PCDHGB1: variants seen among roughly 807,000 people sequenced by gnomAD.
PCDHGB1 encodes the protein protocadherin gamma-B1.
PCDHGB1 carries 34 observed loss-of-function variants against 56.6 expected under a neutral mutation model. That is an observed-to-expected ratio of 0.60 (90% CI 0.46 to 0.80). The LOEUF (loss-of-function observed/expected upper bound fraction) is 0.80. PCDHGB1 is among the 30% of genes least tolerant of loss of function. PCDHGB1 has a pLI of 0.00. For synonymous variants in PCDHGB1, 561 were observed against 505.9 expected, an observed-to-expected ratio of 1.11 and a Z score of -1.46; for missense variants, 1,278 against 1,204.6, an observed-to-expected ratio of 1.06 and a Z score of -0.90.
At chr5:141,401,485 G>A (rs2094160307) in intron 1 of PCDHGB1, among the ~76,000 whole-genome samples, 2 of 152,152 alleles carry the variant, frequency 1.3e-5, no homozygotes, top group Admixed American at 6.5e-5. Context: ...AGGTTTTCTT[G>A]GATGCAAAAT....
chr5:141,459,613 C>A (rs1040874685), intron 1 of PCDHGB1, among the ~76,000 whole-genome samples: 1 of 152,188 alleles, frequency 6.6e-6, no homozygotes, highest in African/African-American at 2.4e-5. Context: ...ATATGCTTAA[C>A]TTTATAAGAA....
chr5:141,365,149 A>G, intron 1 of PCDHGB1: 1 of 1,613,978 alleles, frequency 6.2e-7, no homozygotes, highest in South Asian at 1.1e-5. Context: ...ATGAGGGAAT[A>G]AACGGGAAAT....
At chr5:141,400,608 A>G in intron 1 of PCDHGB1, 1 of 1,580,872 alleles carries the variant, frequency 6.3e-7, no homozygotes, top group Admixed American at 1.7e-5. Flanking sequence ...TTTCAAGTCC[A>G]ATGAGTTGTC....
In PCDHGB1 at chr5:141,432,973, G is replaced by T. The variant is rs150572360; in HGVS notation, c.2410-61834G>T. The T allele has an allele frequency of 3.7e-6, 6 of 1,614,096 alleles. 1 individual carries two copies. The highest frequency in any genetic ancestry group is 1.7e-5 in the Admixed American group (1 of 60,014). Reference sequence around the variant, plus strand: ...GCGGCTTGACAGGAGCGCCGGCGTCGCACTTTGTGGGCGTGGACGGGGTGC... The same window carrying T: ...GCGGCTTGACAGGAGCGCCGGCGTCTCACTTTGTGGGCGTGGACGGGGTGC... On this transcript the variant is annotated intron_variant, in intron 1 of 3. Coordinates refer to ENST00000523390, the MANE Select transcript of PCDHGB1 (RefSeq NM_018922.3). This position sits in a 1 kb window ranked among gnomAD's most constrained non-coding sequence, Gnocchi z 6.0.
Position 141,436,345 on chromosome 5 carries a change from G to A in PCDHGB1, c.2410-58462G>A, listed in dbSNP as rs930858667. 5.9e-4 allele frequency among the ~76,000 whole-genome samples: 90 copies of A among 152,212 alleles called. 1 individual carries two copies. Among genetic ancestry groups the A allele is most frequent in the African/African-American group, 1.7e-3 (69 of 41,540 alleles). ...GTTAGACCATATCTCAAATATCAGT[G>A]ACTTCAATCAACTATGTTTCCAGTT... On this transcript the variant is annotated intron_variant, in intron 1 of 3. Coordinates refer to ENST00000523390, the MANE Select transcript of PCDHGB1 (RefSeq NM_018922.3).
intron 1 of PCDHGB1, chr5:141,382,842 A>C: frequency 2.0e-6 from 3 of 1,464,302 alleles, no homozygotes; most frequent in Non-Finnish European, 2.8e-6. Context: ...ACCCGGATAC[A>C]CCCGCATTCT....
In PCDHGB1 at chr5:141,405,166, A is replaced by G. The variant is rs1303146593; in HGVS notation, c.2409+52497A>G. The G allele has an allele frequency of 9.3e-6, 15 of 1,613,862 alleles. No individual in the cohort carries two copies. In the East Asian group the frequency reaches 3.3e-4, roughly 36 times the overall value. On this transcript the variant is annotated intron_variant, in intron 1 of 3. Coordinates refer to ENST00000523390, the MANE Select transcript of PCDHGB1 (RefSeq NM_018922.3). Reference sequence around the variant, plus strand: ...ATGGGTTGGCTGGTGTGCCCACCTCACACTTTGTGGGTGTAGATGGGGTTC... The same window carrying G: ...ATGGGTTGGCTGGTGTGCCCACCTCGCACTTTGTGGGTGTAGATGGGGTTC...
intron 1 of PCDHGB1, chr5:141,403,389 C>T (rs764725441): frequency 1.2e-6 from 2 of 1,614,050 alleles, no homozygotes; most frequent in South Asian, 1.1e-5. Context: ...AACGAAATCG[C>T]GGTTCCTGGA....
At chr5:141,433,481 G>C (rs2097613311) in intron 1 of PCDHGB1, among the ~76,000 whole-genome samples, 1 of 152,046 alleles carries the variant, frequency 6.6e-6, no homozygotes, top group African/African-American at 2.4e-5. Flanking sequence ...CTAGCCTCCT[G>C]CTTCTCCCTC....
chr5:141,410,976 C>G (rs750121743), intron 1 of PCDHGB1: 28 of 178,158 alleles, frequency 1.6e-4, no homozygotes, highest in Non-Finnish European at 2.6e-4. Context: ...GCCTCAGCCT[C>G]CCAAGTAGCT....
At chr5:141,482,768 CTGA>C (rs2099572195) in intron 1 of PCDHGB1, among the ~76,000 whole-genome samples, 1 of 126,868 alleles carries the variant, frequency 7.9e-6, no homozygotes, top group Admixed American at 7.7e-5. Flanking sequence ...TTCATTATCA[CTGA>C]ACCTTAAACT....
At position 141,493,188 on chromosome 5, in the gene PCDHGB1, C is replaced by T. The variant is rs1292810486; in HGVS notation, c.2410-1619C>T. Among the ~76,000 whole-genome samples the T allele has an allele frequency of 2.6e-5, 4 of 152,216 alleles. No individual in the cohort carries two copies. Among genetic ancestry groups the T allele is most frequent in the Non-Finnish European group, 4.4e-5 (3 of 68,046 alleles). ...ATTGAGAGAAACTTACTATATAACT[C>T]CTTTGAGAACCTCATCTCATTTGCT... On this transcript the variant is annotated intron_variant, in intron 1 of 3. Coordinates refer to ENST00000523390, the MANE Select transcript of PCDHGB1 (RefSeq NM_018922.3). The surrounding 1 kb of genome is among the most constrained non-coding windows in gnomAD (Gnocchi z 4.3).
At chr5:141,353,009 A>G (rs967480372) in intron 1 of PCDHGB1, among the ~76,000 whole-genome samples, 2 of 152,144 alleles carry the variant, frequency 1.3e-5, no homozygotes, top group Admixed American at 1.3e-4. Context: ...AACAAAAATT[A>G]TATATTGCAT....
chr5:141,427,220 T>G (rs1487350481), intron 1 of PCDHGB1: 1 of 456,710 alleles, frequency 2.2e-6, no homozygotes, highest in East Asian at 6.9e-5. Flanking sequence ...TTCGTAGCAG[T>G]TATACCATGA....
At chr5:141,440,887 G>C (rs1423303973) in intron 1 of PCDHGB1, 4 of 152,206 alleles carry the variant, frequency 2.6e-5, no homozygotes, top group Non-Finnish European at 5.9e-5. Context: ...TCGGCCTTCA[G>C]GAAGATGTGC....
At chr5:141,429,388 A>T (rs6890453) in intron 1 of PCDHGB1, among the ~76,000 whole-genome samples, 24,714 of 140,916 alleles carry the variant, frequency 0.18, 2,276 homozygotes, top group African/African-American at 0.28. Flanking sequence ...TTTTTTTTTT[A>T]AAAAAAATTG....
chr5:141,421,567 A>G (rs1202908091), intron 1 of PCDHGB1: 27 of 1,613,972 alleles, frequency 1.7e-5, no homozygotes, highest in Non-Finnish European at 2.2e-5. Context: ...CGTGGAAGAC[A>G]CCTTGAAGAT....
intron 3 of PCDHGB1, among the ~76,000 whole-genome samples, chr5:141,508,855 C>T (rs2099872444): frequency 6.6e-6 from 1 of 152,020 alleles, no homozygotes; most frequent in Non-Finnish European, 1.5e-5. Flanking sequence ...CATTCCCAGG[C>T]TGGGAAAGGC....
chr5:141,468,067 G>A (rs560511893), intron 1 of PCDHGB1, among the ~76,000 whole-genome samples: 34 of 152,032 alleles, frequency 2.2e-4, no homozygotes, highest in Non-Finnish European at 4.0e-4. Flanking sequence ...GCTCACACCT[G>A]TAATCCCAGC....
Sources: gnomAD v4.1 joint callset for allele counts (sites outside exome capture counted in the v4.1 genomes callset) on GRCh38, gnomAD v4.1.1 for gene constraint, Gnocchi (gnomAD v3.1) non-coding constraint, MANE v1.5 for transcripts, NCBI Gene and HGNC (gene_info 2026-07-23, HGNC 2026-07-21) for gene names.